The following CABP4 variants were observed in gnomAD, a reference collection of about 807,000 sequenced individuals.
CABP4 encodes the protein calcium binding protein 4.
A neutral mutation model predicts 30.7 loss-of-function variants in CABP4; 30 were observed. That is an observed-to-expected ratio of 0.98 (90% CI 0.73 to 1.33). CABP4 has a LOEUF of 1.33. Ranked by LOEUF, CABP4 falls within the 40% of genes most tolerant of loss-of-function variation. CABP4 has a pLI of 0.00. For missense variants in CABP4, 424 were observed against 395.5 expected (o/e 1.07, Z -0.61); for synonymous variants, 161 against 159.2 (o/e 1.01, Z -0.08).
upstream of CABP4, chr11:67,455,283 G>T: frequency 8.3e-7 from 1 of 1,198,252 alleles, no homozygotes; most frequent in Non-Finnish European, 1.1e-6. Flanking sequence ...AGGGCTGCCT[G>T]CCTCACTTAC....
Position 67,457,621 on chromosome 11 carries a change from A to G in CABP4, c.590A>G (p.Lys197Arg). Residue 197 changes from lysine to arginine, a missense_variant, in exon 4 of 6, where the codon AAG (lysine) becomes AGG (arginine). By Grantham distance (26) the Lys-to-Arg change is conservative. Transcript: ENST00000325656. ...FEEFVELIGP[K>R]LREETAHMLG... ...GAGTTTGTAGAACTGATAGGCCCAA[A>G]GCTGAGGGAGGAGACGGCGCACATG... 1 of 1,605,694 alleles carries G rather than the reference A, an allele frequency of 6.2e-7. No individual in the cohort carries two copies. Among genetic ancestry groups the G allele is most frequent in the South Asian group, 1.1e-5 (1 of 89,298 alleles).
At chr11:67,455,033 T>A (rs1048952704), upstream of CABP4, among the ~76,000 whole-genome samples, 1 of 152,232 alleles carries the variant, frequency 6.6e-6, no homozygotes, top group South Asian at 2.1e-4. Context: ...CCTCTGCCCA[T>A]GTCACACATG....
Position 67,458,421 on chromosome 11 carries a change from G to A in CABP4, c.702G>A (p.Ala234=), listed in dbSNP as rs376226026. ...GRITVAELRE[A]VPALLGEPLA... is the part of the protein sequence containing the mutation. ...TTACGGTGGCGGAGCTGCGGGAGGC[G>A]GTACCGGCTCTGCTCGGGGAGCCGC... Residue 234 remains alanine (A), a synonymous_variant, in exon 5 of 6, where the codon GCG becomes GCA. Coordinates refer to ENST00000325656, the MANE Select transcript of CABP4 (RefSeq NM_145200.5). 30 of 1,613,640 alleles carry A rather than the reference G, an allele frequency of 1.9e-5. No homozygotes were observed. The highest frequency in any genetic ancestry group is 1.2e-4 in the South Asian group (11 of 91,064).
intron 3 of CABP4, among the ~76,000 whole-genome samples, chr11:67,456,718 C>T (rs1443478871): frequency 6.6e-6 from 1 of 152,256 alleles, no homozygotes; most frequent in East Asian, 1.9e-4. Context: ...ACATTTGCTC[C>T]TTTCACCCGA....
upstream of CABP4, among the ~76,000 whole-genome samples, chr11:67,454,936 C>T (rs143446538): frequency 1.5e-3 from 231 of 152,328 alleles, 1 homozygote; most frequent in African/African-American, 5.4e-3. Context: ...GTAGGCCACT[C>T]GCTCATCCTT....
rs200644822 is a variant in CABP4 at position 67,455,439 on chromosome 11, G to A, written c.16G>A (p.Ala6Thr). The A allele has an allele frequency of 2.5e-6, 4 of 1,610,814 alleles. No homozygotes were observed. Among genetic ancestry groups the A allele is most frequent in the Non-Finnish European group, 3.4e-6 (4 of 1,179,270 alleles). MTTEQ[A>T]RGQQGPNLAI... ...TCCCTCCCCCATGACCACAGAGCAG[G>A]CAAGGGGGCAGCAGGGCCCAAATCT... Residue 6 changes from alanine to threonine, a missense_variant, in exon 1 of 6, where the codon GCA becomes ACA. Transcript: ENST00000325656.
At chr11:67,457,383 G>A (rs777061470) in intron 3 of CABP4, among the ~76,000 whole-genome samples, 190 bp from the exon 4 acceptor site, 11 of 152,204 alleles carry the variant, frequency 7.2e-5, no homozygotes, top group Non-Finnish European at 1.5e-4. Context: ...TCCACTAAGA[G>A]CAGAAGCAGC....
At chr11:67,455,900 A>C in intron 1 of CABP4, 111 bp downstream of exon 1, 6 of 1,413,402 alleles carry the variant, frequency 4.2e-6, no homozygotes, top group Non-Finnish European at 4.7e-6. Flanking sequence ...TCTGCCCCAG[A>C]CTGAGCCTGG....
chr11:67,457,499 G>A (rs1006609767), intron 3 of CABP4, 74 bp from the exon 4 acceptor site: 1 of 1,292,730 alleles, frequency 7.7e-7, no homozygotes, highest in Non-Finnish European at 1.1e-6. Context: ...GGGGGTGCCT[G>A]GCCTGTGGGA....
rs199636248 is a variant in CABP4 at position 67,455,568 on chromosome 11, C to T, written c.145C>T (p.Arg49Ter). 10 of 1,601,746 alleles carry T rather than the reference C, an allele frequency of 6.2e-6. No individual in the cohort carries two copies. The highest frequency in any genetic ancestry group is 2.2e-5 in the East Asian group (1 of 44,510). ...GAGGAGCAAGAAGGAGAGGGGGCTC[C>T]GAGGGTCTCGAAAGCGCACTGGCAG... ...RKRSKKERGL[R>*]GSRKRTGSSG... The change falls in exon 1 of 6, where the codon CGA (arginine) becomes TGA (stop). Residue 49 changes from arginine (R) to a stop codon, truncating the protein, a stop_gained. Coordinates refer to ENST00000325656, the MANE Select transcript of CABP4 (RefSeq NM_145200.5). LOFTEE classifies it high-confidence loss of function.
intron 3 of CABP4, among the ~76,000 whole-genome samples, 154 bp downstream of exon 3, chr11:67,456,596 C>A (rs1864815818): frequency 1.3e-5 from 2 of 152,206 alleles, no homozygotes; most frequent in South Asian, 4.1e-4. Context: ...CAAGCTCCTG[C>A]CTCTCTGTGT....
At chr11:67,456,705 T>C (rs972749307) in intron 3 of CABP4, among the ~76,000 whole-genome samples, 2 of 152,224 alleles carry the variant, frequency 1.3e-5, no homozygotes, top group African/African-American at 4.8e-5. Flanking sequence ...ATGGCCACTA[T>C]ACACATTTGC....
Position 67,458,377 on chromosome 11 carries a change from A to G in CABP4, c.658A>G (p.Arg220Gly), listed in dbSNP as rs1471878498. 1.2e-6 allele frequency: 2 copies of G among 1,605,882 alleles called. No individual in the cohort carries two copies. Among genetic ancestry groups the G allele is most frequent in the East Asian group, 2.2e-5 (1 of 44,684 alleles). Residue 220 changes from arginine to glycine, a missense_variant, in exon 5 of 6, where the codon AGG (arginine) becomes GGG (glycine). Transcript: ENST00000325656. ...AGCTTTGCGGGGACCTTAGTTTGAC[A>G]GGGACAGGGATGGACGAATTACGGT... ...ELRIAFREFD[R>G]DRDGRITVAE...
Position 67,459,006 on chromosome 11 carries a change from A to G in CABP4, c.*347A>G. 1 of 408,100 alleles carries G rather than the reference A, an allele frequency of 2.5e-6. No individual in the cohort carries two copies. The highest frequency in any genetic ancestry group is 4.9e-5 in the East Asian group (1 of 20,318). The allele number at this position is 408,100 out of a possible 1,614,324, so 25.3% of individuals were successfully genotyped here. Reference sequence around the variant, plus strand: ...CCCAGTGGCATGATGAATGGAGAGGATGGCTGGACCCCTTCCACTACTTAT... The same window carrying G: ...CCCAGTGGCATGATGAATGGAGAGGGTGGCTGGACCCCTTCCACTACTTAT... On this transcript the variant is annotated 3_prime_UTR_variant, in exon 6 of 6. Coordinates refer to ENST00000325656, the MANE Select transcript of CABP4 (RefSeq NM_145200.5).
upstream of CABP4, chr11:67,452,884 C>T: frequency 1.6e-6 from 1 of 626,708 alleles, no homozygotes; most frequent in African/African-American, 1.8e-5. Context: ...TATCCTATGC[C>T]AAGGACTTGA....
At chr11:67,452,450 C>T (rs558662013), upstream of CABP4, 39 of 1,612,438 alleles carry the variant, frequency 2.4e-5, no homozygotes, top group Middle Eastern at 1.7e-4. Context: ...TCCCCCATGC[C>T]GGATCTCTAG....
At chr11:67,454,303 C>T (rs761417734), upstream of CABP4, among the ~76,000 whole-genome samples, 32 of 152,278 alleles carry the variant, frequency 2.1e-4, no homozygotes, top group Admixed American at 1.8e-3. Flanking sequence ...GGGGAGGGAA[C>T]GGATGCCCTG....
upstream of CABP4, chr11:67,455,343 G>T: frequency 6.6e-7 from 1 of 1,512,892 alleles, no homozygotes; most frequent in Non-Finnish European, 8.8e-7. Flanking sequence ...TAAGAGTGGG[G>T]GTGCATAAGC....
chr11:67,456,240 CAG>C, intron 2 of CABP4, 22 bp downstream of exon 2: 1 of 1,613,548 alleles, frequency 6.2e-7, no homozygotes, highest in Non-Finnish European at 8.5e-7. Flanking sequence ...TTGCTGCTGG[CAG>C]GGGGTGGGAG....
Sources: allele counts gnomAD v4.1 joint callset (sites outside exome capture counted in the v4.1 genomes callset), GRCh38; gene constraint gnomAD v4.1.1; transcripts MANE v1.5; gene names NCBI Gene and HGNC (gene_info 2026-07-23, HGNC 2026-07-21).